LMNTD1: variants seen among roughly 807,000 people sequenced by gnomAD.
LMNTD1 encodes lamin tail domain-containing protein 1.
In LMNTD1, 35 loss-of-function variants were observed where a neutral mutation model predicts 50.9. The ratio of observed to expected loss-of-function variants is 0.69; its 90% CI spans 0.53 to 0.91. The LOEUF is 0.91. Ranked by LOEUF, LMNTD1 falls within the 40% of genes least tolerant of loss-of-function variation. LMNTD1 has a pLI of 0.00. For synonymous variants in LMNTD1, 153 were observed against 161.9 expected, an observed-to-expected ratio of 0.94 and a Z score of 0.42; for missense variants, 470 against 475.5, an observed-to-expected ratio of 0.99 and a Z score of 0.11.
intron 1 of LMNTD1, among the ~76,000 whole-genome samples, chr12:25,610,052 C>A (rs536172443): frequency 6.6e-6 from 1 of 152,184 alleles, no homozygotes; most frequent in Non-Finnish European, 1.5e-5. Flanking sequence ...TCAGCAATGG[C>A]GGACGCCCCT....
intron 1 of LMNTD1, among the ~76,000 whole-genome samples, chr12:25,603,470 T>C (rs1946023257): frequency 6.6e-6 from 1 of 152,020 alleles, no homozygotes; most frequent in African/African-American, 2.4e-5. Flanking sequence ...TTTGTACACA[T>C]AGTCAGTAAA....
At chr12:25,641,740 A>C (rs1946962502) in intron 1 of LMNTD1, among the ~76,000 whole-genome samples, 1 of 151,984 alleles carries the variant, frequency 6.6e-6, no homozygotes, top group African/African-American at 2.4e-5. Flanking sequence ...ACATTATGAA[A>C]CTCTGCAGTT....
At chr12:25,571,557 G>T (rs1944797619) in intron 1 of LMNTD1, among the ~76,000 whole-genome samples, 1 of 152,052 alleles carries the variant, frequency 6.6e-6, no homozygotes, top group Non-Finnish European at 1.5e-5. Context: ...TAGAGACAGG[G>T]TTTCACTGTG....
chr12:25,555,581 G>A (rs1944006245), upstream of LMNTD1, among the ~76,000 whole-genome samples: 1 of 152,122 alleles, frequency 6.6e-6, no homozygotes, highest in Non-Finnish European at 1.5e-5. Flanking sequence ...GTGTGATATG[G>A]TGTCATGATT....
chr12:25,630,883 C>G (rs184381570), intron 1 of LMNTD1: 21 of 152,552 alleles, frequency 1.4e-4, no homozygotes, highest in Middle Eastern at 6.8e-3. Flanking sequence ...GAGGAAGAAA[C>G]AAGCTCTTAT....
upstream of LMNTD1, chr12:25,553,394 A>G (rs1302119532): frequency 6.4e-6 from 3 of 471,886 alleles, no homozygotes; most frequent in Non-Finnish European, 3.3e-6. Context: ...CCTTCTTTGC[A>G]GTTTGCAGAC....
At chr12:25,588,376 T>A (rs1356292680) in intron 1 of LMNTD1, among the ~76,000 whole-genome samples, 1 of 152,188 alleles carries the variant, frequency 6.6e-6, no homozygotes, top group East Asian at 1.9e-4. Context: ...AAATCTGAGT[T>A]ATAGGCCAAG....
chr12:25,612,396 C>T (rs1946269031), intron 1 of LMNTD1, among the ~76,000 whole-genome samples: 1 of 151,860 alleles, frequency 6.6e-6, no homozygotes, highest in Admixed American at 6.6e-5. Context: ...GTGGATTTTA[C>T]ACTTTTAGGC....
chr12:25,595,454 A>G (rs1042378457), intron 1 of LMNTD1, among the ~76,000 whole-genome samples: 1 of 152,198 alleles, frequency 6.6e-6, no homozygotes, highest in African/African-American at 2.4e-5. Context: ...ACACATGGAA[A>G]TTAAATAATC....
At chr12:25,566,786 G>A (rs1025473973) in intron 1 of LMNTD1, among the ~76,000 whole-genome samples, 5 of 152,160 alleles carry the variant, frequency 3.3e-5, no homozygotes, top group Non-Finnish European at 7.3e-5. Context: ...TGATAGCAAC[G>A]GGCGTCAATG....
intron 6 of LMNTD1, among the ~76,000 whole-genome samples, chr12:25,521,162 G>T (rs181230324): frequency 2.4e-4 from 37 of 152,094 alleles, no homozygotes; most frequent in Admixed American, 7.2e-4. Flanking sequence ...AGTCGGTAGG[G>T]TGCTATTTTA....
chr12:25,476,369 C>G lies in LMNTD1; in HGVS notation c.*114G>C, dbSNP rs868079969. The G allele has an allele frequency of 6.6e-6, 1 of 152,150 alleles. No individual in the cohort carries two copies. The highest frequency in any genetic ancestry group is 1.5e-5 in the Non-Finnish European group (1 of 68,026). The allele number at this position is 152,150 out of a possible 1,614,324, so 9.4% of individuals were successfully genotyped here. ...TATAGAAATGTGATGTCTTCACCCT[C>G]TCATGGAATAGCAGGGAGGTTGCAG... On this transcript the variant is annotated 3_prime_UTR_variant, in exon 10 of 10. Coordinates refer to ENST00000458174, the MANE Select transcript of LMNTD1 (RefSeq NM_001145728.2).
At chr12:25,488,963 C>G (rs1216773629) in intron 9 of LMNTD1, among the ~76,000 whole-genome samples, 1 of 152,200 alleles carries the variant, frequency 6.6e-6, no homozygotes, top group East Asian at 1.9e-4. Context: ...CAGGGACCCA[C>G]TTGAGGAGGC....
rs543235772 is a variant in LMNTD1 at position 25,533,802 on chromosome 12, A to G, written c.492-6847T>C. ...GACAAGGTTCTAAATCATCCAAGGG[A>G]AGAATAAATGGGGTTTAGTCTGAAT... On this transcript the variant is annotated intron_variant, in intron 4 of 9. Coordinates refer to ENST00000458174, the MANE Select transcript of LMNTD1 (RefSeq NM_001145728.2). Among the ~76,000 whole-genome samples, 105 of 152,304 alleles carry G rather than the reference A, an allele frequency of 6.9e-4. 1 individual carries two copies. Among genetic ancestry groups the G allele is most frequent in the Middle Eastern group, 3.4e-3 (1 of 294 alleles).
At chr12:25,619,510 G>C (rs1946429022) in intron 1 of LMNTD1, among the ~76,000 whole-genome samples, 1 of 152,154 alleles carries the variant, frequency 6.6e-6, no homozygotes, top group South Asian at 2.1e-4. Flanking sequence ...AGACAGTTGA[G>C]AGAGGCCTGG....
chr12:25,609,168 C>A (rs1946187730), intron 1 of LMNTD1, among the ~76,000 whole-genome samples: 1 of 152,160 alleles, frequency 6.6e-6, no homozygotes, highest in Non-Finnish European at 1.5e-5. Context: ...GTTTTCAGCT[C>A]CATCAGGTCA....
intron 1 of LMNTD1, among the ~76,000 whole-genome samples, chr12:25,626,913 G>A (rs1032614513): frequency 2.0e-5 from 3 of 152,142 alleles, no homozygotes; most frequent in African/African-American, 7.2e-5. Flanking sequence ...TTTTAAAGGA[G>A]GCCTTTAAAT....
chr12:25,489,310 G>A (rs1355010721), intron 9 of LMNTD1, among the ~76,000 whole-genome samples: 2 of 150,688 alleles, frequency 1.3e-5, no homozygotes, highest in African/African-American at 4.9e-5. Context: ...TCCGAGCCAG[G>A]TGTGGGATAT....
intron 9 of LMNTD1, among the ~76,000 whole-genome samples, chr12:25,483,214 CAGA>C (rs1052013556): frequency 6.6e-6 from 1 of 151,400 alleles, no homozygotes; most frequent in African/African-American, 2.4e-5. Context: ...TGCCTGAACT[CAGA>C]AGTTGGAGAC....
Sources: gnomAD v4.1 joint callset for allele counts (sites outside exome capture counted in the v4.1 genomes callset) on GRCh38, gnomAD v4.1.1 for gene constraint, MANE v1.5 for transcripts, NCBI Gene and HGNC (gene_info 2026-07-23, HGNC 2026-07-21) for gene names.